Variants in LZTFL1 observed in about 807,000 individuals in gnomAD.
LZTFL1 encodes the protein leucine zipper transcription factor-like protein 1.
Under a neutral mutation model 45.9 loss-of-function variants are expected in LZTFL1, and 25 were observed. That is an observed-to-expected ratio of 0.54 (90% confidence interval 0.40 to 0.76). The LOEUF (loss-of-function observed/expected upper bound fraction) is 0.76. LZTFL1 is among the 30% of genes least tolerant of loss of function. The pLI is 0.00. For missense variants in LZTFL1, 277 were observed against 331.1 expected, an observed-to-expected ratio of 0.84 and a Z score of 1.27; for synonymous variants, 93 against 117.4, an observed-to-expected ratio of 0.79 and a Z score of 1.35.
chr3:45,888,859 G>GATA (rs1403649067), intron 2 of LZTFL1, among the ~76,000 whole-genome samples: 5 of 152,102 alleles, frequency 3.3e-5, no homozygotes, highest in African/African-American at 4.8e-5. Context: ...CTCTAGGGAG[G>GATA]GGTATGTCCT....
chr3:45,852,254 G>A (rs1701320741), intron 4 of LZTFL1, among the ~76,000 whole-genome samples: 2 of 152,146 alleles, frequency 1.3e-5, no homozygotes. Context: ...TTTTTTGGAG[G>A]ACAGTCTGGA....
At chr3:45,858,772 C>A (rs191225518) in intron 3 of LZTFL1, among the ~76,000 whole-genome samples, 48 of 152,206 alleles carry the variant, frequency 3.2e-4, no homozygotes, top group Admixed American at 9.8e-4. Flanking sequence ...TTAAAAAGAG[C>A]AAAGAGTTTT....
chr3:45,874,685 T>C (rs957934137), intron 2 of LZTFL1, among the ~76,000 whole-genome samples: 2 of 152,218 alleles, frequency 1.3e-5, no homozygotes, highest in African/African-American at 2.4e-5. Flanking sequence ...GACTTTGTAG[T>C]TCTTCCCATT....
At chr3:45,857,581 C>T (rs922649341) in intron 3 of LZTFL1, among the ~76,000 whole-genome samples, 2 of 152,160 alleles carry the variant, frequency 1.3e-5, no homozygotes, top group Non-Finnish European at 2.9e-5. Flanking sequence ...GACTGTTATA[C>T]CAACCTAGGA....
intron 2 of LZTFL1, among the ~76,000 whole-genome samples, chr3:45,870,552 G>A (rs1014869537): frequency 5.9e-5 from 9 of 152,200 alleles, no homozygotes; most frequent in African/African-American, 2.2e-4. Context: ...GAGTGCTTTT[G>A]ACAAATGGGA....
At chr3:45,868,663 G>T (rs890533066) in intron 2 of LZTFL1, among the ~76,000 whole-genome samples, 1 of 152,178 alleles carries the variant, frequency 6.6e-6, no homozygotes, top group Non-Finnish European at 1.5e-5. Context: ...GGTAGGGGGG[G>T]TAAACCCAAC....
At chr3:45,911,777 T>C (rs1702799582) in intron 2 of LZTFL1, among the ~76,000 whole-genome samples, 1 of 152,260 alleles carries the variant, frequency 6.6e-6, no homozygotes, top group African/African-American at 2.4e-5. Flanking sequence ...CTTTGGTGAA[T>C]GCAGAAAGAC....
At chr3:45,891,162 T>G (rs927162547) in intron 2 of LZTFL1, among the ~76,000 whole-genome samples, 4 of 152,238 alleles carry the variant, frequency 2.6e-5, no homozygotes, top group African/African-American at 9.6e-5. Context: ...AGGGCTGCAG[T>G]GAAATTCGGT....
Position 45,825,809 on chromosome 3 carries a change from AG to A in LZTFL1, c.*504del, listed in dbSNP as rs1700648082. On this transcript the variant is annotated 3_prime_UTR_variant, in exon 10 of 10. Transcript: ENST00000296135. ...GAATTCACATTTTCAATGAATTTAT[AG>A]TTTATCATCAAATAGAGTAAATGAA... 1.3e-5 allele frequency: 2 copies of A among 152,764 alleles called. No individual in the cohort carries two copies. The highest frequency in any genetic ancestry group is 2.9e-5 in the Non-Finnish European group (2 of 68,114). The allele number at this position is 152,764 out of a possible 1,614,324, so 9.5% of individuals were successfully genotyped here. A position where few individuals can be genotyped will look rare whatever the true frequency, so the allele number is the denominator to read the frequency against.
At position 45,900,973 on chromosome 3, in the gene LZTFL1, G is replaced by A; in HGVS notation, c.-215+12147C>T. 1 of 1,614,208 alleles carries A rather than the reference G, an allele frequency of 6.2e-7. No homozygotes were observed. Among genetic ancestry groups the A allele is most frequent in the Non-Finnish European group, 8.5e-7 (1 of 1,180,022 alleles). On this transcript the variant is annotated intron_variant, in intron 2 of 4. Coordinates refer to the LZTFL1 transcript ENST00000472635. The surrounding 1 kb of genome is among the most constrained non-coding windows in gnomAD (Gnocchi z 4.7). ...TTGTACTGGCTCGTGTTCATCGTGG[G>A]TGCCTTGGGCAACAGTCTTGTTATC...
chr3:45,908,971 C>A (rs985394535), intron 2 of LZTFL1, among the ~76,000 whole-genome samples: 1 of 152,124 alleles, frequency 6.6e-6, no homozygotes, highest in South Asian at 2.1e-4. Context: ...CCTGCATCAC[C>A]GCCTGAGCTT....
At chr3:45,903,605 C>A (rs1445540428) in intron 2 of LZTFL1, among the ~76,000 whole-genome samples, 2 of 152,214 alleles carry the variant, frequency 1.3e-5, no homozygotes, top group African/African-American at 2.4e-5. Flanking sequence ...CCATTTCACC[C>A]TTTTTCTCCC....
At chr3:45,851,473 C>T (rs1032817903) in intron 4 of LZTFL1, among the ~76,000 whole-genome samples, 4 of 151,924 alleles carry the variant, frequency 2.6e-5, no homozygotes, top group Non-Finnish European at 5.9e-5. Flanking sequence ...GATCCGCCCG[C>T]CTCGGCCTCC....
chr3:45,865,538 T>C (rs1010448381), intron 2 of LZTFL1, among the ~76,000 whole-genome samples: 1 of 152,250 alleles, frequency 6.6e-6, no homozygotes, highest in Non-Finnish European at 1.5e-5. Context: ...ATGATAAATA[T>C]GTATGACGAA....
intron 4 of LZTFL1, among the ~76,000 whole-genome samples, chr3:45,851,304 G>C (rs1316056593): frequency 1.3e-5 from 2 of 148,464 alleles, no homozygotes; most frequent in African/African-American, 5.0e-5. Flanking sequence ...TCGGCTCACT[G>C]CAACCTCCGC....
In LZTFL1 at chr3:45,901,044, T is replaced by C. The variant is rs1252808706; in HGVS notation, c.-215+12076A>G. 1 of 1,614,218 alleles carries C rather than the reference T, an allele frequency of 6.2e-7. No individual in the cohort carries two copies. The highest frequency in any genetic ancestry group is 1.7e-5 in the Admixed American group (1 of 60,028). On this transcript the variant is annotated intron_variant, in intron 2 of 4. Coordinates refer to the LZTFL1 transcript ENST00000472635. This position sits in a 1 kb window ranked among gnomAD's most constrained non-coding sequence, Gnocchi z 4.3. ...AAGAGTGAAGACCATGACCGACATG[T>C]TCCTTTTGAATTTGGCAATTGCTGA...
intron 2 of LZTFL1, among the ~76,000 whole-genome samples, chr3:45,887,321 C>G (rs1171368271): frequency 6.6e-6 from 1 of 151,912 alleles, no homozygotes; most frequent in Non-Finnish European, 1.5e-5. Context: ...ATCTCAGAAA[C>G]TTAACAATGG....
intron 9 of LZTFL1, 42 bp from the exon 10 acceptor site, chr3:45,826,374 G>T (rs765660613): frequency 6.5e-7 from 1 of 1,534,040 alleles, no homozygotes; most frequent in Non-Finnish European, 9.0e-7. Flanking sequence ...GATACCTTTT[G>T]TTGTTGTTAT....
At chr3:45,885,064 G>A (rs1046282555) in intron 2 of LZTFL1, among the ~76,000 whole-genome samples, 2 of 152,172 alleles carry the variant, frequency 1.3e-5, no homozygotes, top group African/African-American at 4.8e-5. Flanking sequence ...CCTTTCAGAT[G>A]ACCTATTTGT....
Sources: allele counts gnomAD v4.1 joint callset (sites outside exome capture counted in the v4.1 genomes callset), GRCh38; gene constraint gnomAD v4.1.1; non-coding constraint Gnocchi (gnomAD v3.1); transcripts MANE v1.5; gene names NCBI Gene and HGNC (gene_info 2026-07-23, HGNC 2026-07-21).